The following FAM184A variants were observed in gnomAD, a reference collection of about 807,000 sequenced individuals.
FAM184A encodes the protein family with sequence similarity 184 member A, also known as protein FAM184A.
Under a neutral mutation model 143.8 loss-of-function variants are expected in FAM184A, and 99 were observed. The ratio of observed to expected loss-of-function variants is 0.69; its 90% CI spans 0.58 to 0.81. The LOEUF (loss-of-function observed/expected upper bound fraction) is 0.81, where lower values mean the gene tolerates loss of function less well. Among genes scored for constraint, FAM184A ranks in the 40% least tolerant of loss-of-function variants. The probability of loss-of-function intolerance (pLI) is 0.00; values close to 1 mark genes in which losing one functional copy is unlikely to be tolerated. For synonymous variants in FAM184A, 427 were observed against 446.4 expected, an observed-to-expected ratio of 0.96 and a Z score of 0.55; for missense variants, 1,217 against 1,310.5, an observed-to-expected ratio of 0.93 and a Z score of 1.10.
At chr6:119,057,109 T>C (rs999372367) in intron 1 of FAM184A, among the ~76,000 whole-genome samples, 2 of 152,230 alleles carry the variant, frequency 1.3e-5, no homozygotes, top group East Asian at 1.9e-4. Context: ...AGTTAATTAA[T>C]GTAGTCTATC....
At chr6:119,110,215 C>T (rs1382506891) in intron 1 of FAM184A, among the ~76,000 whole-genome samples, 1 of 152,214 alleles carries the variant, frequency 6.6e-6, no homozygotes, top group East Asian at 1.9e-4. Flanking sequence ...TTCTACTCTG[C>T]AGTGCTTAAC....
intron 1 of FAM184A, among the ~76,000 whole-genome samples, chr6:119,115,224 A>G (rs1312836658): frequency 6.6e-6 from 1 of 152,228 alleles, no homozygotes; most frequent in Admixed American, 6.5e-5. Context: ...TTGAATTTTC[A>G]TATTCCAACA....
rs561597115 is a variant in FAM184A at position 119,073,402 on chromosome 6, TAAC to T, written c.159+4736_159+4738del. Among the ~76,000 whole-genome samples, 402 of 152,308 alleles carry T rather than the reference TAAC, an allele frequency of 2.6e-3. 4 individuals carry two copies. The highest frequency in any genetic ancestry group is 9.4e-3 in the African/African-American group (392 of 41,562). The stretch of plus-strand genomic sequence containing the variant: ...AGAGGGATTTGATAAGCAGCTAACA[TAAC>T]AAGGTATTAAAAGGGAAGTTTCTGC... On this transcript the variant is annotated intron_variant, in intron 1 of 17. Transcript: ENST00000338891.
intron 9 of FAM184A, among the ~76,000 whole-genome samples, chr6:118,986,886 A>AGCCTATTTCAGCTAT: frequency 6.6e-6 from 1 of 152,348 alleles, no homozygotes; most frequent in Admixed American, 6.5e-5. Flanking sequence ...TGCTAAAAAG[A>AGCCTATTTCAGCTAT]ATTTCTAAAT....
intron 1 of FAM184A, among the ~76,000 whole-genome samples, chr6:119,053,351 C>A (rs1316635294): frequency 6.6e-6 from 1 of 152,186 alleles, no homozygotes; most frequent in African/African-American, 2.4e-5. Context: ...CAGACAGTGA[C>A]CTGCTATTTC....
chr6:119,108,332 C>A (rs372105517), intron 1 of FAM184A, among the ~76,000 whole-genome samples: 3 of 152,060 alleles, frequency 2.0e-5, no homozygotes, highest in East Asian at 3.9e-4. Flanking sequence ...CAGAGTGGAA[C>A]CATCACCAAG....
upstream of FAM184A, among the ~76,000 whole-genome samples, chr6:119,081,254 C>T (rs1011000657): frequency 6.6e-6 from 1 of 152,186 alleles, no homozygotes; most frequent in African/African-American, 2.4e-5. Flanking sequence ...TGTGACAGCT[C>T]ACTCACCATG....
chr6:119,029,292 G>A (rs113916167), intron 1 of FAM184A, among the ~76,000 whole-genome samples: 1 of 152,182 alleles, frequency 6.6e-6, no homozygotes, highest in South Asian at 2.1e-4. Flanking sequence ...CATATTTTGG[G>A]GATGAAATGA....
chr6:119,148,663 A>G (rs1354693162), intron 1 of FAM184A, among the ~76,000 whole-genome samples: 1 of 152,198 alleles, frequency 6.6e-6, no homozygotes, highest in Non-Finnish European at 1.5e-5. Flanking sequence ...GGAATCATTC[A>G]GTCATCCTGC....
At chr6:119,025,497 C>T (rs2114693600) in intron 1 of FAM184A, 1 of 519,004 alleles carries the variant, frequency 1.9e-6, no homozygotes, top group East Asian at 5.4e-5. Flanking sequence ...TGCCTCCAAG[C>T]AACCCAATTC....
chr6:118,961,647 T>C (rs912577341), intron 17 of FAM184A, 114 bp downstream of exon 17: 1 of 874,258 alleles, frequency 1.1e-6, no homozygotes, highest in East Asian at 2.4e-5. Flanking sequence ...GAAGAAAATA[T>C]TTCATAGTAA....
At chr6:119,063,125 A>G (rs1787320262) in intron 1 of FAM184A, among the ~76,000 whole-genome samples, 1 of 152,236 alleles carries the variant, frequency 6.6e-6, no homozygotes, top group Non-Finnish European at 1.5e-5. Context: ...ATAGGAGAAT[A>G]TTGGTATATT....
chr6:118,983,134 A>G (rs1413607085), intron 9 of FAM184A, among the ~76,000 whole-genome samples: 1 of 152,226 alleles, frequency 6.6e-6, no homozygotes, highest in Non-Finnish European at 1.5e-5. Flanking sequence ...TCAAGACAGT[A>G]ATGTGAATTA....
intron 16 of FAM184A, chr6:118,962,785 T>A (rs1237111255): frequency 6.6e-6 from 1 of 152,152 alleles, no homozygotes; most frequent in Non-Finnish European, 1.5e-5. Flanking sequence ...AAGTATTTTA[T>A]TCACATCTCT....
At chr6:118,971,484 C>T (rs1783695502) in intron 14 of FAM184A, among the ~76,000 whole-genome samples, 2 of 152,054 alleles carry the variant, frequency 1.3e-5, no homozygotes, top group Admixed American at 6.6e-5. Context: ...GCCATGACCT[C>T]AAGTTGTAGA....
At chr6:118,960,281 G>A (rs1056309673) in intron 17 of FAM184A, 97 bp from the exon 18 acceptor site, 23 of 926,710 alleles carry the variant, frequency 2.5e-5, no homozygotes, top group South Asian at 4.6e-5. Context: ...TTACCACAAC[G>A]GGTTCCCCAT....
chr6:118,976,014 T>C lies in FAM184A; in HGVS notation c.2486A>G (p.His829Arg). Residue 829 changes from histidine (H) to arginine (R), a missense_variant, in exon 12 of 18, where the codon CAT becomes CGT. Physicochemically the swap from His to Arg is conservative, Grantham distance 29. Transcript: ENST00000338891. Reference protein sequence around the residue: ...ASLRSELNHQHAAAIDLLRHN... With the variant: ...ASLRSELNHQRAAAIDLLRHN... The stretch of plus-strand genomic sequence containing the variant: ...CCGTAACAAATCAATTGCAGCTGCA[T>C]GTTGATGGTTGAGTTCTGAGCGCAA... 6.2e-7 allele frequency: 1 copy of C among 1,613,386 alleles called. No homozygotes were observed. The highest frequency in any genetic ancestry group is 8.5e-7 in the Non-Finnish European group (1 of 1,179,842).
chr6:118,977,666 G>A (rs1783886855), intron 11 of FAM184A, among the ~76,000 whole-genome samples: 1 of 152,094 alleles, frequency 6.6e-6, no homozygotes, highest in African/African-American at 2.4e-5. Flanking sequence ...AAATGAACAG[G>A]GTAATGGTTG....
intron 1 of FAM184A, among the ~76,000 whole-genome samples, chr6:119,063,454 A>G (rs1037492851): frequency 1.3e-5 from 2 of 152,202 alleles, no homozygotes; most frequent in African/African-American, 4.8e-5. Flanking sequence ...ACTGGTTTCT[A>G]TCTTGATATA....
Sources: allele counts gnomAD v4.1 joint callset (sites outside exome capture counted in the v4.1 genomes callset), GRCh38; gene constraint gnomAD v4.1.1; transcripts MANE v1.5; gene names NCBI Gene and HGNC (gene_info 2026-07-23, HGNC 2026-07-21).